ABCC4: variants seen among roughly 807,000 people sequenced by gnomAD.
ABCC4 encodes the protein ATP-binding cassette sub-family C member 4.
In ABCC4, 102 loss-of-function variants were observed where a neutral mutation model predicts 168.5. The ratio of observed to expected loss-of-function variants is 0.61; its 90% CI spans 0.52 to 0.71. ABCC4 has a LOEUF of 0.71. Among genes scored for constraint, ABCC4 ranks in the 30% least tolerant of loss-of-function variants. The pLI, the probability that ABCC4 is intolerant of heterozygous loss-of-function variation, is 0.00. For missense variants in ABCC4, 1,402 were observed against 1,605.8 expected, an observed-to-expected ratio of 0.87 and a Z score of 2.17; for synonymous variants, 617 against 590.7, an observed-to-expected ratio of 1.04 and a Z score of -0.65.
At chr13:95,033,798 G>A (rs564610440) in intron 30 of ABCC4, among the ~76,000 whole-genome samples, 5 of 151,912 alleles carry the variant, frequency 3.3e-5, no homozygotes, top group East Asian at 1.9e-4. Context: ...AGTAGCTGGG[G>A]TTACAGGCAT....
chr13:95,269,234 T>G (rs2040772558), intron 1 of ABCC4: 1 of 452,876 alleles, frequency 2.2e-6, no homozygotes, highest in Non-Finnish European at 4.4e-6. Context: ...CAGGGTGGGC[T>G]GGGCCACCCT....
intron 19 of ABCC4, among the ~76,000 whole-genome samples, chr13:95,134,203 G>A (rs567755289): frequency 6.6e-6 from 1 of 152,198 alleles, no homozygotes; most frequent in East Asian, 1.9e-4. Context: ...AAAGGAGGAG[G>A]GGGAAATGCC....
At chr13:95,075,372 G>A (rs547111289) in intron 22 of ABCC4, 60 bp downstream of exon 22, 3 of 1,608,776 alleles carry the variant, frequency 1.9e-6, no homozygotes, top group African/African-American at 2.7e-5. Context: ...GACCAGGGAG[G>A]TTAAGCCAGA....
At chr13:95,150,507 T>C (rs989604951) in intron 19 of ABCC4, among the ~76,000 whole-genome samples, 8 of 150,800 alleles carry the variant, frequency 5.3e-5, no homozygotes, top group Admixed American at 5.3e-4. Flanking sequence ...CCTTCCCCAC[T>C]GCCAGGGCCT....
intron 20 of ABCC4, among the ~76,000 whole-genome samples, chr13:95,093,346 A>T (rs2034495547): frequency 6.6e-6 from 1 of 152,218 alleles, no homozygotes; most frequent in African/African-American, 2.4e-5. Flanking sequence ...AGCCACCATG[A>T]TCAAGTGGGT....
intron 11 of ABCC4, among the ~76,000 whole-genome samples, chr13:95,182,152 AC>A (rs2037918891): frequency 6.6e-6 from 1 of 152,192 alleles, no homozygotes; most frequent in African/African-American, 2.4e-5. Context: ...TGAGAGATTA[AC>A]AACAACAACA....
At chr13:95,300,908 C>G (rs920391571) in intron 1 of ABCC4, among the ~76,000 whole-genome samples, 1 of 152,170 alleles carries the variant, frequency 6.6e-6, no homozygotes, top group Non-Finnish European at 1.5e-5. Context: ...AAGAGACTCC[C>G]CCTTTCGGCA....
chr13:95,058,583 A>G (rs1057390322), intron 26 of ABCC4, among the ~76,000 whole-genome samples: 16 of 84,762 alleles, frequency 1.9e-4, no homozygotes, highest in Admixed American at 1.3e-3. Flanking sequence ...AAAAAAAAAA[A>G]AAAAAAAAAG....
At chr13:95,217,627 G>C (rs1489033395) in intron 4 of ABCC4, among the ~76,000 whole-genome samples, 2 of 152,118 alleles carry the variant, frequency 1.3e-5, no homozygotes, top group Non-Finnish European at 2.9e-5. Context: ...CCAGCTACTG[G>C]GGAGGCTGAG....
intron 8 of ABCC4, among the ~76,000 whole-genome samples, chr13:95,195,368 A>G (rs1179330838): frequency 6.6e-6 from 1 of 152,210 alleles, no homozygotes; most frequent in African/African-American, 2.4e-5. Flanking sequence ...TGCTGGCAAC[A>G]TGAAAGTCAA....
chr13:95,056,540 T>C (rs1248057360), intron 26 of ABCC4, among the ~76,000 whole-genome samples: 1 of 152,060 alleles, frequency 6.6e-6, no homozygotes, highest in Admixed American at 6.6e-5. Flanking sequence ...AAGACTTCAG[T>C]GTGCAGAAAC....
intron 7 of ABCC4, 116 bp from the exon 8 acceptor site, chr13:95,206,897 T>A: frequency 1.6e-6 from 2 of 1,228,136 alleles, no homozygotes; most frequent in Non-Finnish European, 2.3e-6. Flanking sequence ...AACCCAGGAG[T>A]TTGAGACCAT....
chr13:95,065,027 T>G lies in ABCC4; in HGVS notation c.3211-2168A>C, dbSNP rs555908468. On this transcript the variant is annotated intron_variant, in intron 25 of 30. Coordinates refer to ENST00000645237, the MANE Select transcript of ABCC4 (RefSeq NM_005845.5). The stretch of plus-strand genomic sequence containing the variant: ...TCTCTTTGGCCAAACATTAGACATT[T>G]GTACTTGGATCTCTCTTCATATATG... Among the ~76,000 whole-genome samples the G allele has an allele frequency of 2.0e-5, 3 of 152,302 alleles. No homozygotes were observed. In the East Asian group the frequency reaches 5.8e-4, roughly 29 times the overall value.
chr13:95,277,006 G>A (rs748764506), intron 1 of ABCC4, among the ~76,000 whole-genome samples: 25 of 152,132 alleles, frequency 1.6e-4, no homozygotes, highest in African/African-American at 2.4e-4. Flanking sequence ...GCGACAGAGC[G>A]AGACTCAGTC....
intron 4 of ABCC4, among the ~76,000 whole-genome samples, chr13:95,233,319 T>TAAA (rs200364087): frequency 0.11 from 16,130 of 146,658 alleles, 2,424 homozygotes; most frequent in African/African-American, 0.34. Context: ...AGTGCACCCA[T>TAAA]AAAAAAAAAA....
chr13:95,218,977 GA>G lies in ABCC4; in HGVS notation c.532-8197del, dbSNP rs1305497112. On this transcript the variant is annotated intron_variant, in intron 4 of 30. Transcript: ENST00000645237. Reference sequence around the variant, plus strand: ...AGAAAGAAAGAAAGAAAGAAAGAAAGAAAGAAAGAGTGAGAAAGAAAGAAAG... The same window carrying G: ...AGAAAGAAAGAAAGAAAGAAAGAAAGAAGAAAGAGTGAGAAAGAAAGAAAG... Among the ~76,000 whole-genome samples the G allele has an allele frequency of 8.0e-3, 284 of 35,436 alleles. 28 individuals carry two copies. The highest frequency in any genetic ancestry group is 0.022 in the African/African-American group (171 of 7,704). The allele number at this position is 35,436 out of a possible 152,430, so 23.2% of individuals were successfully genotyped here.
chr13:95,292,424 T>C (rs940103096), intron 1 of ABCC4, among the ~76,000 whole-genome samples: 2 of 152,072 alleles, frequency 1.3e-5, no homozygotes, highest in Admixed American at 1.3e-4. Flanking sequence ...GGCGAGCATA[T>C]GAAGGGAGGT....
At chr13:95,252,653 TGACAGAGCGAGACTGTC>T (rs1322216246) in intron 1 of ABCC4, among the ~76,000 whole-genome samples, 29 of 152,250 alleles carry the variant, frequency 1.9e-4, no homozygotes, top group African/African-American at 7.0e-4. Flanking sequence ...CCAGCCTAGG[TGACAGAGCGAGACTGTC>T]TCAAAAACAA....
intron 19 of ABCC4, among the ~76,000 whole-genome samples, chr13:95,158,762 G>T (rs2139533697): frequency 6.6e-6 from 1 of 152,032 alleles, no homozygotes; most frequent in South Asian, 2.1e-4. Context: ...ATCATAGAGG[G>T]GAATTTTTAT....
Sources: allele counts gnomAD v4.1 joint callset (sites outside exome capture counted in the v4.1 genomes callset), GRCh38; gene constraint gnomAD v4.1.1; transcripts MANE v1.5; gene names NCBI Gene and HGNC (gene_info 2026-07-23, HGNC 2026-07-21).